GRM7: variants seen among roughly 807,000 people sequenced by gnomAD.
GRM7 encodes the protein metabotropic glutamate receptor 7.
Under a neutral mutation model 84.5 loss-of-function variants are expected in GRM7, and 35 were observed. That is an observed-to-expected ratio of 0.41 (90% CI 0.32 to 0.55). The LOEUF (loss-of-function observed/expected upper bound fraction) is 0.55, where lower values mean the gene tolerates loss of function less well. Ranked by LOEUF, GRM7 falls within the 20% of genes least tolerant of loss-of-function variation. The pLI is 0.19. For missense variants in GRM7, 1,003 were observed against 1,194.6 expected, an observed-to-expected ratio of 0.84 and a Z score of 2.36; for synonymous variants, 487 against 455.1, an observed-to-expected ratio of 1.07 and a Z score of -0.89.
intron 8 of GRM7, among the ~76,000 whole-genome samples, chr3:7,645,825 C>T (rs1698611572): frequency 6.6e-6 from 1 of 152,146 alleles, no homozygotes; most frequent in African/African-American, 2.4e-5. Context: ...CCCAATCTGA[C>T]CCCAATTTTC....
chr3:6,967,436 C>G (rs754210383), intron 1 of GRM7, among the ~76,000 whole-genome samples: 1 of 152,136 alleles, frequency 6.6e-6, no homozygotes, highest in Non-Finnish European at 1.5e-5. Flanking sequence ...CTCAAATGAT[C>G]GGCTCACTTT....
At chr3:6,893,884 G>A (rs1007652860) in intron 1 of GRM7, 13 of 152,088 alleles carry the variant, frequency 8.5e-5, no homozygotes, top group African/African-American at 3.1e-4. Flanking sequence ...TAGAAAATCT[G>A]CCTATGTTTT....
intron 9 of GRM7, among the ~76,000 whole-genome samples, chr3:7,687,318 C>T (rs1427561515): frequency 6.6e-6 from 1 of 152,148 alleles, no homozygotes; most frequent in African/African-American, 2.4e-5. Flanking sequence ...TTTTATATTG[C>T]TTTAGGCTCT....
At chr3:6,905,011 A>G (rs942259743) in intron 1 of GRM7, among the ~76,000 whole-genome samples, 66 of 151,878 alleles carry the variant, frequency 4.3e-4, no homozygotes, top group South Asian at 2.1e-4. Flanking sequence ...AAGCTATCAC[A>G]CTTGGCTCCT....
At chr3:7,109,550 A>G (rs925001643) in intron 1 of GRM7, among the ~76,000 whole-genome samples, 9 of 152,150 alleles carry the variant, frequency 5.9e-5, no homozygotes, top group African/African-American at 1.9e-4. Context: ...CTTACTGTCC[A>G]GGAATGGGTA....
chr3:7,419,103 C>T (rs1423222512), intron 5 of GRM7, among the ~76,000 whole-genome samples: 1 of 151,970 alleles, frequency 6.6e-6, no homozygotes, highest in Non-Finnish European at 1.5e-5. Flanking sequence ...TGTGTCAGTC[C>T]TTAGAGATCA....
At chr3:7,731,175 C>T (rs963529861) in intron 9 of GRM7, among the ~76,000 whole-genome samples, 3 of 150,948 alleles carry the variant, frequency 2.0e-5, no homozygotes, top group Non-Finnish European at 4.4e-5. Context: ...GCTGTTTTGG[C>T]CATGTTTAGA....
Position 7,516,550 on chromosome 3 carries a change from G to C in GRM7, c.1515+54828G>C, listed in dbSNP as rs951080009. ...TTCTTAAAGAGAAATGGAACGTCAG[G>C]GGTACTTCCATTCAAACTGGTATAA... On this transcript the variant is annotated intron_variant, in intron 7 of 9. Coordinates refer to ENST00000357716, the MANE Select transcript of GRM7 (RefSeq NM_000844.4). Among the ~76,000 whole-genome samples, 3 of 150,880 alleles carry C rather than the reference G, an allele frequency of 2.0e-5. 1 individual carries two copies. Among genetic ancestry groups the C allele is most frequent in the Admixed American group, 6.6e-5 (1 of 15,118 alleles).
intron 2 of GRM7, among the ~76,000 whole-genome samples, chr3:7,260,170 C>T (rs1460764771): frequency 6.6e-6 from 1 of 151,766 alleles, no homozygotes; most frequent in Admixed American, 6.6e-5. Flanking sequence ...GTAAGTTCCT[C>T]ATAGATGCTG....
At chr3:6,936,228 A>G (rs1359419420) in intron 1 of GRM7, among the ~76,000 whole-genome samples, 1 of 152,214 alleles carries the variant, frequency 6.6e-6, no homozygotes, top group Non-Finnish European at 1.5e-5. Flanking sequence ...TGGCTTCAGC[A>G]GTAGAGGGCA....
At chr3:7,722,696 C>T (rs1179381712) in intron 9 of GRM7, among the ~76,000 whole-genome samples, 4 of 152,090 alleles carry the variant, frequency 2.6e-5, no homozygotes, top group Non-Finnish European at 4.4e-5. Context: ...ACCACCTCGG[C>T]CTCCCAAAAT....
intron 2 of GRM7, among the ~76,000 whole-genome samples, chr3:7,160,443 A>G (rs1694588632): frequency 1.3e-5 from 2 of 152,146 alleles, no homozygotes; most frequent in South Asian, 4.1e-4. Context: ...CCTTTTCAGA[A>G]TGCCAGGAGA....
At chr3:7,659,491 C>T (rs988372576) in intron 8 of GRM7, among the ~76,000 whole-genome samples, 2 of 151,974 alleles carry the variant, frequency 1.3e-5, no homozygotes, top group Non-Finnish European at 1.5e-5. Flanking sequence ...CAGCACCAAG[C>T]CTGACACATA....
chr3:7,493,487 C>G (rs919394515), intron 7 of GRM7, among the ~76,000 whole-genome samples: 11 of 151,844 alleles, frequency 7.2e-5, no homozygotes. Context: ...AATATAGCCA[C>G]TCTTGCTGTT....
At chr3:7,251,699 A>G (rs1345598019) in intron 2 of GRM7, among the ~76,000 whole-genome samples, 1 of 152,206 alleles carries the variant, frequency 6.6e-6, no homozygotes, top group African/African-American at 2.4e-5. Context: ...CAGTCAGTTC[A>G]GTTCCAAGAT....
At chr3:6,921,094 G>C (rs1697106994) in intron 1 of GRM7, among the ~76,000 whole-genome samples, 1 of 152,198 alleles carries the variant, frequency 6.6e-6, no homozygotes, top group African/African-American at 2.4e-5. Context: ...CGAGAAGTCT[G>C]TTCCTTCAGC....
At chr3:7,551,697 A>C (rs888103303) in intron 7 of GRM7, among the ~76,000 whole-genome samples, 128 of 152,070 alleles carry the variant, frequency 8.4e-4, no homozygotes, top group Non-Finnish European at 4.1e-4. Flanking sequence ...TATAAATATC[A>C]ATTTTTCTTA....
intron 8 of GRM7, among the ~76,000 whole-genome samples, chr3:7,625,559 C>T (rs145262081): frequency 3.3e-5 from 5 of 152,136 alleles, no homozygotes; most frequent in African/African-American, 7.2e-5. Context: ...ATCCTAGCTA[C>T]GTGGGAGGCT....
At chr3:7,635,732 G>A (rs534361637) in intron 8 of GRM7, among the ~76,000 whole-genome samples, 3 of 152,156 alleles carry the variant, frequency 2.0e-5, no homozygotes, top group African/African-American at 7.2e-5. Context: ...AGAGTGCAGT[G>A]GCACAATCAT....
Sources: gnomAD v4.1 joint callset for allele counts (sites outside exome capture counted in the v4.1 genomes callset) on GRCh38, gnomAD v4.1.1 for gene constraint, MANE v1.5 for transcripts, NCBI Gene and HGNC (gene_info 2026-07-23, HGNC 2026-07-21) for gene names.